Variants in USP34 observed in about 807,000 individuals in gnomAD.
USP34 encodes the protein ubiquitin specific peptidase 34.
In USP34, 70 loss-of-function variants were observed where a neutral mutation model predicts 460.3. The ratio of observed to expected loss-of-function variants is 0.15; its 90% CI spans 0.13 to 0.19. The LOEUF (loss-of-function observed/expected upper bound fraction) is 0.19, where lower values mean the gene tolerates loss of function less well. Ranked by LOEUF, USP34 falls within the 10% of genes least tolerant of loss-of-function variation. The pLI is 1.00. For missense variants in USP34, 3,985 were observed against 4,236.2 expected, an observed-to-expected ratio of 0.94 and a Z score of 1.65; for synonymous variants, 1,647 against 1,405.3, an observed-to-expected ratio of 1.17 and a Z score of -3.85.
intron 70 of USP34, chr2:61,207,302 A>C (rs1277609084): frequency 6.5e-6 from 1 of 154,266 alleles, no homozygotes; most frequent in African/African-American, 2.4e-5. Flanking sequence ...AGTAGGCCTG[A>C]AAGAGGTAAA....
At position 61,278,644 on chromosome 2, in the gene USP34, C is replaced by CA. The variant is rs1171039592; in HGVS notation, c.5257-202dup. Among the ~76,000 whole-genome samples the CA allele has an allele frequency of 5.9e-5, 9 of 151,962 alleles. No individual in the cohort carries two copies. The South Asian group carries it at 1.0e-3, about 18-fold the overall frequency. ...GTCTTAAACATCACTGATCATTCTACAAAAAAACAATCAATGGAATGTTGA... is the reference window on the plus strand; with the variant it reads ...GTCTTAAACATCACTGATCATTCTACAAAAAAAACAATCAATGGAATGTTGA... On this transcript the variant is annotated intron_variant, in intron 39 of 79. Transcript: ENST00000398571.
intron 42 of USP34, 157 bp from the exon 43 acceptor site, chr2:61,265,714 A>G (rs954325014): frequency 1.4e-6 from 1 of 737,412 alleles, no homozygotes; most frequent in Non-Finnish European, 1.9e-6. Flanking sequence ...TACAGATGAA[A>G]ACTAATTTAT....
Position 61,348,835 on chromosome 2 carries a change from C to A in USP34, c.1595G>T (p.Ser532Ile). ...QSSDNSDTHQ[S>I]GGSDIEMDEQ... ...ATCCATTTCAATGTCACTACCTCCA[C>A]TTTGATGTGTATCGCTATTATCACT... Residue 532 changes from serine (S) to isoleucine (I), a missense_variant, in exon 14 of 80, where the codon AGT becomes ATT. Physicochemically the swap from Ser to Ile is moderately radical, Grantham distance 142. Coordinates refer to ENST00000398571, the MANE Select transcript of USP34 (RefSeq NM_014709.4). 6.2e-7 allele frequency: 1 copy of A among 1,613,868 alleles called. No individual in the cohort carries two copies. Among genetic ancestry groups the A allele is most frequent in the Non-Finnish European group, 8.5e-7 (1 of 1,179,872 alleles).
intron 62 of USP34, among the ~76,000 whole-genome samples, chr2:61,225,097 A>G (rs1351363770): frequency 6.6e-6 from 1 of 152,168 alleles, no homozygotes; most frequent in Non-Finnish European, 1.5e-5. Flanking sequence ...TGGTAGGTAA[A>G]ACATTTTCTG....
Position 61,280,277 on chromosome 2 carries a change from T to A in USP34, c.5223A>T (p.Leu1741Phe). Residue 1741 changes from leucine to phenylalanine, a missense_variant, in exon 39 of 80, where the codon TTA becomes TTT. Leu to Phe is a conservative substitution (Grantham distance 22). Transcript: ENST00000398571. ...CGTCCTTTATATGTATGTTGTCAACTAATTTGCATAACAACCAAAAATACT... is the reference window on the plus strand; with the variant it reads ...CGTCCTTTATATGTATGTTGTCAACAAATTTGCATAACAACCAAAAATACT... ...CKEYFWLLCK[L>F]VDNIHIKDAS... 6.4e-7 allele frequency: 1 copy of A among 1,564,500 alleles called. No individual in the cohort carries two copies. The highest frequency in any genetic ancestry group is 2.4e-5 in the East Asian group (1 of 42,024).
chr2:61,307,619 A>G (rs1690454489), intron 27 of USP34, among the ~76,000 whole-genome samples: 1 of 152,142 alleles, frequency 6.6e-6, no homozygotes, highest in South Asian at 2.1e-4. Context: ...TTTGATGTCC[A>G]GTGAAAATAT....
chr2:61,276,142 TATCTC>T (rs1235441194), intron 41 of USP34, among the ~76,000 whole-genome samples: 3 of 152,184 alleles, frequency 2.0e-5, no homozygotes, highest in Admixed American at 6.5e-5. Flanking sequence ...AATTGGCAAA[TATCTC>T]AGTGACATAA....
At chr2:61,328,976 G>A (rs574749083) in intron 20 of USP34, among the ~76,000 whole-genome samples, 1 of 152,098 alleles carries the variant, frequency 6.6e-6, no homozygotes, top group South Asian at 2.1e-4. Context: ...ATAAAAATGT[G>A]GGCCATGTGT....
At chr2:61,370,877 C>A (rs1375032869) in intron 8 of USP34, among the ~76,000 whole-genome samples, 1 of 152,174 alleles carries the variant, frequency 6.6e-6, no homozygotes, top group East Asian at 1.9e-4. Flanking sequence ...GAGGTCTTTG[C>A]CTTCCCACTT....
At chr2:61,464,121 C>G (rs573518531) in intron 1 of USP34, among the ~76,000 whole-genome samples, 2 of 152,214 alleles carry the variant, frequency 1.3e-5, no homozygotes, top group Non-Finnish European at 2.9e-5. Flanking sequence ...TAGTTCAAGA[C>G]CAGTGTGGCC....
chr2:61,423,445 A>C (rs1025989885), intron 1 of USP34, among the ~76,000 whole-genome samples: 1 of 152,226 alleles, frequency 6.6e-6, no homozygotes, highest in Non-Finnish European at 1.5e-5. Context: ...AAATATTAAA[A>C]AAAATCCATT....
intron 5 of USP34, among the ~76,000 whole-genome samples, chr2:61,388,558 C>T (rs1693240466): frequency 6.6e-6 from 1 of 151,602 alleles, no homozygotes; most frequent in South Asian, 2.1e-4. Context: ...AGATCGAGAC[C>T]ATCCTAGCTA....
chr2:61,378,234 G>C (rs1329486340), intron 8 of USP34, 129 bp downstream of exon 8: 1 of 636,786 alleles, frequency 1.6e-6, no homozygotes, highest in Non-Finnish European at 2.7e-6. Context: ...GCTTCATGAA[G>C]AACTGTACAC....
intron 3 of USP34, among the ~76,000 whole-genome samples, chr2:61,403,597 G>C (rs1257165351): frequency 3.9e-5 from 6 of 152,022 alleles, no homozygotes; most frequent in African/African-American, 1.4e-4. Context: ...TTCTATACTG[G>C]AAGATCACAG....
chr2:61,370,299 A>G (rs773471906), intron 10 of USP34, 22 bp downstream of exon 10: 3 of 1,606,934 alleles, frequency 1.9e-6, no homozygotes, highest in African/African-American at 2.7e-5. Context: ...AGCACTCAAT[A>G]AATGTGAGCT....
intron 49 of USP34, 81 bp downstream of exon 49, chr2:61,248,430 G>C: frequency 7.1e-7 from 1 of 1,406,146 alleles, no homozygotes. Context: ...CTGTGTAGTT[G>C]ATGACAACTT....
At chr2:61,289,232 T>C (rs984664820) in intron 33 of USP34, among the ~76,000 whole-genome samples, 1 of 152,108 alleles carries the variant, frequency 6.6e-6, no homozygotes, top group Non-Finnish European at 1.5e-5. Flanking sequence ...GACAAGGATA[T>C]TACTTATCAA....
chr2:61,376,341 C>T (rs1165740198), intron 8 of USP34, among the ~76,000 whole-genome samples: 2 of 152,184 alleles, frequency 1.3e-5, no homozygotes, highest in Admixed American at 1.3e-4. Context: ...AACTCTTTAC[C>T]ACCAGTCCTC....
At chr2:61,272,410 CAAAAAAAAAAAAAA>C (rs768984469) in intron 41 of USP34, among the ~76,000 whole-genome samples, 1 of 82,668 alleles carries the variant, frequency 1.2e-5, no homozygotes, top group Non-Finnish European at 2.4e-5. Flanking sequence ...GACCCCATCT[CAAAAAAAAAAAAAA>C]AAAAAAATTA....
Sources: gnomAD v4.1 joint callset for allele counts (sites outside exome capture counted in the v4.1 genomes callset) on GRCh38, gnomAD v4.1.1 for gene constraint, MANE v1.5 for transcripts, NCBI Gene and HGNC (gene_info 2026-07-23, HGNC 2026-07-21) for gene names.